TRPM3: variants seen among roughly 807,000 people sequenced by gnomAD.
TRPM3 encodes transient receptor potential cation channel subfamily M member 3, also known as long transient receptor potential channel 3.
In TRPM3, 77 loss-of-function variants were observed where a neutral mutation model predicts 181.2. That is an observed-to-expected ratio of 0.42 (90% CI 0.35 to 0.51). TRPM3 has a LOEUF of 0.51. Ranked by LOEUF, TRPM3 falls within the 20% of genes least tolerant of loss-of-function variation. The pLI is 0.01. For synonymous variants in TRPM3, 745 were observed against 796.4 expected (o/e 0.94, Z 1.09); for missense variants, 1,759 against 2,196.7 (o/e 0.80, Z 3.98).
At chr9:71,349,228 T>C (rs1006021816) in intron 1 of TRPM3, among the ~76,000 whole-genome samples, 1 of 152,240 alleles carries the variant, frequency 6.6e-6, no homozygotes, top group African/African-American at 2.4e-5. Flanking sequence ...ACCTCTCTAC[T>C]ATCCAAGAAT....
At chr9:71,339,440 C>T (rs1015475362) in intron 1 of TRPM3, among the ~76,000 whole-genome samples, 2 of 151,928 alleles carry the variant, frequency 1.3e-5, no homozygotes, top group Non-Finnish European at 2.9e-5. Flanking sequence ...TACAAAGCCT[C>T]CAAAAGTAAA....
At chr9:70,879,900 GCA>G (rs1359599088) in intron 1 of TRPM3, among the ~76,000 whole-genome samples, 1 of 152,058 alleles carries the variant, frequency 6.6e-6, no homozygotes, top group Non-Finnish European at 1.5e-5. Context: ...ACCTGTGTGT[GCA>G]CACACACAGA....
At chr9:71,415,427 CTTTA>C (rs2093622087) in intron 1 of TRPM3, among the ~76,000 whole-genome samples, 1 of 151,896 alleles carries the variant, frequency 6.6e-6, no homozygotes, top group Admixed American at 6.6e-5. Context: ...TAATATCATT[CTTTA>C]AATACATATA....
intron 1 of TRPM3, among the ~76,000 whole-genome samples, chr9:71,438,631 C>G (rs1377447774): frequency 6.6e-6 from 1 of 152,194 alleles, no homozygotes; most frequent in African/African-American, 2.4e-5. Context: ...AGTGATTGTG[C>G]CACTGCACCC....
chr9:70,773,818 A>G (rs1039926075), intron 7 of TRPM3, among the ~76,000 whole-genome samples: 10 of 151,924 alleles, frequency 6.6e-5, no homozygotes, highest in Non-Finnish European at 1.5e-5. Flanking sequence ...AAAATGGACC[A>G]TTTCCTTTGT....
At chr9:71,127,678 C>T (rs1282879047) in intron 1 of TRPM3, among the ~76,000 whole-genome samples, 2 of 152,158 alleles carry the variant, frequency 1.3e-5, no homozygotes, top group African/African-American at 4.8e-5. Context: ...AATTCAATTA[C>T]TTTTATTGTT....
At chr9:71,025,476 G>C (rs1043037975) in intron 1 of TRPM3, among the ~76,000 whole-genome samples, 2 of 152,168 alleles carry the variant, frequency 1.3e-5, no homozygotes, top group Admixed American at 1.3e-4. Context: ...CATGAAATAT[G>C]TAAGACTCAT....
rs553174900 is a variant in TRPM3, at chr9:71,307,617, TTTA to T, written c.183+139033_183+139035del. 2.0e-3 allele frequency among the ~76,000 whole-genome samples: 299 copies of T among 152,300 alleles called. 1 individual carries two copies. Among genetic ancestry groups the T allele is most frequent in the African/African-American group, 6.8e-3 (284 of 41,568 alleles). On this transcript the variant is annotated intron_variant, in intron 1 of 24. Transcript: ENST00000357533. The stretch of plus-strand genomic sequence containing the variant: ...AGAGGTTATGTGTATTATAATTAGA[TTTA>T]TTCAGTAGCTATTCTTTTCTAATAA...
At chr9:71,218,535 C>T (rs1360630216) in intron 1 of TRPM3, among the ~76,000 whole-genome samples, 1 of 152,204 alleles carries the variant, frequency 6.6e-6, no homozygotes, top group Non-Finnish European at 1.5e-5. Flanking sequence ...CAAGGAATCT[C>T]ACCAAGAGTG....
chr9:70,549,787 G>T, intron 24 of TRPM3, 113 bp from the exon 25 acceptor site: 1 of 1,133,762 alleles, frequency 8.8e-7, no homozygotes, highest in Non-Finnish European at 1.2e-6. Flanking sequence ...AAGGGGCCTA[G>T]ATTCCTTGTT....
At chr9:70,886,040 T>C (rs868232760) in intron 1 of TRPM3, among the ~76,000 whole-genome samples, 24 of 152,254 alleles carry the variant, frequency 1.6e-4, no homozygotes, top group Non-Finnish European at 4.4e-5. Context: ...GTGAATGTTA[T>C]AGACTTTCAG....
intron 8 of TRPM3, among the ~76,000 whole-genome samples, chr9:70,742,128 G>C (rs997243893): frequency 2.6e-5 from 4 of 151,900 alleles, no homozygotes; most frequent in African/African-American, 7.2e-5. Flanking sequence ...TAATGACATA[G>C]GAACATAATT....
At chr9:71,019,222 TCAC>T (rs1367316277) in intron 1 of TRPM3, among the ~76,000 whole-genome samples, 1 of 151,934 alleles carries the variant, frequency 6.6e-6, no homozygotes, top group Admixed American at 6.6e-5. Context: ...ATGCTTGTTA[TCAC>T]CACTTTTGTT....
intron 1 of TRPM3, among the ~76,000 whole-genome samples, chr9:71,061,785 T>C (rs1311107265): frequency 6.6e-6 from 1 of 152,082 alleles, no homozygotes; most frequent in East Asian, 1.9e-4. Context: ...ACTTCACCCC[T>C]TGCATCATTT....
intron 9 of TRPM3, among the ~76,000 whole-genome samples, chr9:70,641,636 C>T (rs1361760574): frequency 6.6e-6 from 1 of 152,198 alleles, no homozygotes; most frequent in African/African-American, 2.4e-5. Context: ...TATAATTCCT[C>T]AGTCAGGCTA....
At chr9:71,186,234 C>A (rs1453647257) in intron 1 of TRPM3, among the ~76,000 whole-genome samples, 1 of 151,898 alleles carries the variant, frequency 6.6e-6, no homozygotes, top group African/African-American at 2.4e-5. Context: ...TACCGTATTT[C>A]CAAGAAAGGT....
In TRPM3 at chr9:71,379,907, C is replaced by T. The variant is rs1041316386; in HGVS notation, c.183+66746G>A. On this transcript the variant is annotated intron_variant, in intron 1 of 24. Coordinates refer to the TRPM3 transcript ENST00000357533. ...GTATGTCATTCACTCCTACAGCATACGCAAGTAACTTTCTTCGTGTATGCC... is the reference window on the plus strand; with the variant it reads ...GTATGTCATTCACTCCTACAGCATATGCAAGTAACTTTCTTCGTGTATGCC... Among the ~76,000 whole-genome samples the T allele has an allele frequency of 3.9e-5, 6 of 151,954 alleles. No homozygotes were observed. In the South Asian group the frequency reaches 8.3e-4, roughly 21 times the overall value.
chr9:70,979,515 A>T (rs2097341736), intron 1 of TRPM3, among the ~76,000 whole-genome samples: 1 of 152,174 alleles, frequency 6.6e-6, no homozygotes, highest in Admixed American at 6.5e-5. Context: ...GAAACAGCAG[A>T]ATTTACTGGT....
At chr9:70,876,877 T>A (rs1000171546) in intron 1 of TRPM3, among the ~76,000 whole-genome samples, 2 of 151,986 alleles carry the variant, frequency 1.3e-5, no homozygotes, top group African/African-American at 4.8e-5. Context: ...CAAAAAAAGT[T>A]GAGAAGAAAA....
Sources: allele counts gnomAD v4.1 joint callset (sites outside exome capture counted in the v4.1 genomes callset), GRCh38; gene constraint gnomAD v4.1.1; transcripts MANE v1.5; gene names NCBI Gene and HGNC (gene_info 2026-07-23, HGNC 2026-07-21).